Variants in EYA4 observed in about 807,000 individuals in gnomAD.
EYA4 encodes EYA transcriptional coactivator and phosphatase 4, also known as protein phosphatase EYA4.
EYA4 carries 31 observed loss-of-function variants against 87.9 expected under a neutral mutation model. That is an observed-to-expected ratio of 0.35 (90% CI 0.27 to 0.48). The LOEUF is 0.48. Among genes scored for constraint, EYA4 ranks in the 20% least tolerant of loss-of-function variants. The pLI is 0.99. For missense variants in EYA4, 678 were observed against 761.4 expected (o/e 0.89, Z 1.29); for synonymous variants, 263 against 270.6 (o/e 0.97, Z 0.28).
At position 133,244,488 on chromosome 6, in the gene EYA4, A is replaced by T. The variant is rs150114583; in HGVS notation, c.-66+2739A>T. Reference sequence around the variant, plus strand: ...ATAATTATTAATTGTTAAGAAAAATAGATGCTGAATTTCAGAGGGTTTCTA... The same window carrying T: ...ATAATTATTAATTGTTAAGAAAAATTGATGCTGAATTTCAGAGGGTTTCTA... On this transcript the variant is annotated intron_variant, in intron 1 of 19. Transcript: ENST00000355286. 1.2e-4 allele frequency among the ~76,000 whole-genome samples: 18 copies of T among 152,196 alleles called. No individual in the cohort carries two copies. In the East Asian group the frequency reaches 3.5e-3, roughly 29 times the overall value.
At position 133,513,002 on chromosome 6, in the gene EYA4, A is replaced by G; in HGVS notation, c.1465A>G (p.Lys489Glu). The G allele has an allele frequency of 5.6e-6, 9 of 1,614,094 alleles. No homozygotes were observed. Among genetic ancestry groups the G allele is most frequent in the Non-Finnish European group, 7.6e-6 (9 of 1,180,004 alleles). Reference protein sequence around the residue: ...RKLAFRYRRVKELYNTYKNNV... With the variant: ...RKLAFRYRRVEELYNTYKNNV... ...GTTGGCTTTTCGTTACAGAAGAGTA[A>G]AAGAATTATATAACACCTACAAGAA... The change falls in exon 16 of 20, where the codon AAA (lysine) becomes GAA (glutamate). Residue 489 changes from lysine to glutamate, a missense_variant. By Grantham distance (56) the Lys-to-Glu change is moderately conservative. Transcript: ENST00000355286.
chr6:133,490,438 G>A (rs1309303327), intron 13 of EYA4, among the ~76,000 whole-genome samples: 1 of 149,200 alleles, frequency 6.7e-6, no homozygotes, highest in African/African-American at 2.5e-5. Flanking sequence ...TTGCCTACAA[G>A]AAATACACTT....
At chr6:133,483,178 C>G in intron 13 of EYA4, 63 bp downstream of exon 13, 5 of 1,234,516 alleles carry the variant, frequency 4.1e-6, no homozygotes, top group Non-Finnish European at 5.9e-6. Context: ...TGTTTAAAAT[C>G]AAGGGCTATT....
At chr6:133,289,793 G>C (rs954697075) in intron 2 of EYA4, among the ~76,000 whole-genome samples, 1 of 152,148 alleles carries the variant, frequency 6.6e-6, no homozygotes, top group Non-Finnish European at 1.5e-5. Context: ...ATTAGGGATT[G>C]ATTTCTCTGC....
intron 13 of EYA4, among the ~76,000 whole-genome samples, chr6:133,494,891 A>G (rs1184432273): frequency 6.6e-6 from 1 of 152,130 alleles, no homozygotes; most frequent in East Asian, 1.9e-4. Flanking sequence ...GATTGTCTGT[A>G]ACACAACAAA....
intron 2 of EYA4, among the ~76,000 whole-genome samples, chr6:133,283,674 T>C (rs1777807507): frequency 6.6e-6 from 1 of 152,226 alleles, no homozygotes; most frequent in South Asian, 2.1e-4. Flanking sequence ...GAATCCATAC[T>C]GTTTTTTTAA....
intron 1 of EYA4, among the ~76,000 whole-genome samples, chr6:133,251,715 C>T (rs1774918020): frequency 1.3e-5 from 2 of 152,164 alleles, no homozygotes; most frequent in Admixed American, 6.6e-5. Context: ...GGGACCCTCC[C>T]TCCCCTGGTA....
At chr6:133,350,214 G>T (rs948709291) in intron 2 of EYA4, among the ~76,000 whole-genome samples, 1 of 152,092 alleles carries the variant, frequency 6.6e-6, no homozygotes, top group Non-Finnish European at 1.5e-5. Flanking sequence ...GTGCCATGCA[G>T]TGTTCTAGGT....
chr6:133,464,458 T>C (rs539254598), intron 9 of EYA4, among the ~76,000 whole-genome samples: 82 of 152,246 alleles, frequency 5.4e-4, no homozygotes, highest in African/African-American at 1.8e-3. Context: ...TTCCTGGAGG[T>C]AGTCTTAGTC....
At chr6:133,448,066 A>G in intron 4 of EYA4, 45 bp from the exon 5 acceptor site, 1 of 1,420,516 alleles carries the variant, frequency 7.0e-7, no homozygotes. Context: ...ATATCCACTC[A>G]GCAGGCATTC....
In EYA4 at chr6:133,262,536, A is replaced by G. The variant is rs1032507535; in HGVS notation, c.-65-12180A>G. 5.3e-5 allele frequency among the ~76,000 whole-genome samples: 8 copies of G among 152,332 alleles called. No homozygotes were observed. The South Asian group carries it at 6.2e-4, about 12-fold the overall frequency. ...GAATTACTTCTGTGTTTTCTAGGCT[A>G]TCTAGGCAACCATCACCAATTAGCA... is the stretch of plus-strand genomic sequence containing the variant. On this transcript the variant is annotated intron_variant, in intron 1 of 19. Transcript: ENST00000355286.
chr6:133,281,236 A>G (rs9483564), intron 2 of EYA4, among the ~76,000 whole-genome samples: 3 of 151,950 alleles, frequency 2.0e-5, no homozygotes, highest in Middle Eastern at 3.2e-3. Flanking sequence ...TTTTCAAAGG[A>G]TATCTCCCAT....
chr6:133,272,673 A>G lies in EYA4; in HGVS notation c.-65-2043A>G, dbSNP rs181953701. On this transcript the variant is annotated intron_variant, in intron 1 of 19. Coordinates refer to ENST00000355286, the MANE Select transcript of EYA4 (RefSeq NM_004100.5). ...TCATTCACCTATGGGGGCCTGGCAA[A>G]GGCTCCAAACAGCATCCCTATCTGC... Among the ~76,000 whole-genome samples, 15 of 152,208 alleles carry G rather than the reference A, an allele frequency of 9.9e-5. No homozygotes were observed. The East Asian group carries it at 2.9e-3, about 29-fold the overall frequency.
intron 2 of EYA4, among the ~76,000 whole-genome samples, chr6:133,283,455 A>G (rs927334521): frequency 1.3e-5 from 2 of 152,198 alleles, no homozygotes; most frequent in African/African-American, 4.8e-5. Context: ...TCACTGATGA[A>G]AAAAGTTAAT....
chr6:133,448,556 C>T (rs542258745), intron 5 of EYA4, among the ~76,000 whole-genome samples: 102 of 152,132 alleles, frequency 6.7e-4, no homozygotes, highest in Non-Finnish European at 1.3e-3. Context: ...CCTTCATAAC[C>T]CACAGACTTT....
intron 2 of EYA4, among the ~76,000 whole-genome samples, chr6:133,289,883 A>G (rs1352789633): frequency 6.6e-6 from 1 of 152,238 alleles, no homozygotes; most frequent in Non-Finnish European, 1.5e-5. Context: ...GGCAAGAGCT[A>G]GGATAGCAGG....
chr6:133,358,687 G>A (rs1175450461), intron 2 of EYA4, among the ~76,000 whole-genome samples: 1 of 152,120 alleles, frequency 6.6e-6, no homozygotes, highest in Non-Finnish European at 1.5e-5. Flanking sequence ...TATTTGTTGA[G>A]TGCTATTCTG....
intron 10 of EYA4, among the ~76,000 whole-genome samples, chr6:133,465,156 A>T (rs1313552262): frequency 6.6e-6 from 1 of 152,124 alleles, no homozygotes; most frequent in Non-Finnish European, 1.5e-5. Context: ...ATCTTAAAAT[A>T]TACTAAGAAC....
chr6:133,393,778 TC>T (rs1167045930), intron 3 of EYA4, among the ~76,000 whole-genome samples: 1 of 152,192 alleles, frequency 6.6e-6, no homozygotes, highest in African/African-American at 2.4e-5. Flanking sequence ...ATGGGGCTGA[TC>T]CCCAACCAGG....
Sources: gnomAD v4.1 joint callset for allele counts (sites outside exome capture counted in the v4.1 genomes callset) on GRCh38, gnomAD v4.1.1 for gene constraint, MANE v1.5 for transcripts, NCBI Gene and HGNC (gene_info 2026-07-23, HGNC 2026-07-21) for gene names.